Variants in ANKRD36C observed in about 807,000 individuals in gnomAD.
The protein encoded by ANKRD36C is ankyrin repeat domain 36C, also known as ankyrin repeat domain-containing protein 36C.
Under a neutral mutation model 276.4 loss-of-function variants are expected in ANKRD36C, and 61 were observed. That is an observed-to-expected ratio of 0.22 (90% CI 0.18 to 0.27). ANKRD36C has a LOEUF of 0.27. Among genes scored for constraint, ANKRD36C ranks in the 10% least tolerant of loss-of-function variants. The probability of loss-of-function intolerance (pLI) is 1.00; values close to 1 mark genes in which losing one functional copy is unlikely to be tolerated. For missense variants in ANKRD36C, 1,447 were observed against 2,032.3 expected, an observed-to-expected ratio of 0.71 and a Z score of 5.54; for synonymous variants, 483 against 680.1, an observed-to-expected ratio of 0.71 and a Z score of 4.51.
chr2:95,893,509 C>A, intron 44 of ANKRD36C, 24 bp downstream of exon 64: 2 of 1,538,238 alleles, frequency 1.3e-6, no homozygotes, highest in East Asian at 2.5e-5. Context: ...CTGAACATGA[C>A]ATTAAATCTG....
intron 44 of ANKRD36C, among the ~76,000 whole-genome samples, chr2:95,898,013 A>T (rs1420206457): frequency 4.7e-5 from 7 of 148,244 alleles, no homozygotes; most frequent in Admixed American, 4.7e-4. Flanking sequence ...CTGTTTGCTG[A>T]TACCTAGTAG....
At chr2:95,930,088 A>T (rs1426800595) in intron 24 of ANKRD36C, among the ~76,000 whole-genome samples, 1 of 151,654 alleles carries the variant, frequency 6.6e-6, no homozygotes, top group Non-Finnish European at 1.5e-5. Flanking sequence ...GATTCAAGTA[A>T]TGAATTCAAC....
intron 42 of ANKRD36C, among the ~76,000 whole-genome samples, chr2:95,911,113 G>A (rs1490951791): frequency 1.3e-5 from 2 of 151,590 alleles, no homozygotes; most frequent in African/African-American, 2.4e-5. Context: ...ATACCTGTTT[G>A]CTGATACCTA....
rs146747888 is a variant in ANKRD36C at position 95,918,542 on chromosome 2, C to T, written c.2246-500G>A. 9.3e-3 allele frequency among the ~76,000 whole-genome samples: 1,404 copies of T among 151,740 alleles called. 60 individuals carry two copies. Among genetic ancestry groups the T allele is most frequent in the Admixed American group, 0.06 (910 of 15,222 alleles). On this transcript the variant is annotated intron_variant, in intron 34 of 66. Transcript: ENST00000456556. Reference sequence around the variant, plus strand: ...TCAGTTGAACATACACTTCACATCCCTTCAGTGGAAGTGTCCTAAATTGAT... The same window carrying T: ...TCAGTTGAACATACACTTCACATCCTTTCAGTGGAAGTGTCCTAAATTGAT...
rs151249515 is a variant in ANKRD36C, at chr2:95,967,663, G to GTA, written c.800-5118_800-5117dup. On this transcript the variant is annotated intron_variant, in intron 6 of 66. Coordinates refer to ENST00000456556, the Ensembl canonical transcript of ANKRD36C. ...GCATATACTCGGTGTGTGTGTGTGT[G>GTA]TATATATATATATGTACAGTGGCTC... 5.4e-3 allele frequency among the ~76,000 whole-genome samples: 823 copies of GTA among 151,248 alleles called. 6 individuals carry two copies. Among genetic ancestry groups the GTA allele is most frequent in the African/African-American group, 0.018 (754 of 41,308 alleles).
At chr2:95,917,165 T>A (rs1289052012) in intron 36 of ANKRD36C, among the ~76,000 whole-genome samples, 1 of 151,580 alleles carries the variant, frequency 6.6e-6, no homozygotes, top group African/African-American at 2.4e-5. Flanking sequence ...AACATGTATC[T>A]CTGATGCCTA....
intron 20 of ANKRD36C, among the ~76,000 whole-genome samples, chr2:95,939,458 C>A (rs1162536041): frequency 2.0e-5 from 3 of 151,738 alleles, no homozygotes; most frequent in Non-Finnish European, 4.4e-5. Context: ...ATAATCCCAG[C>A]ACTTTGGGAG....
chr2:95,937,347 CA>C (rs1206724117), intron 22 of ANKRD36C, among the ~76,000 whole-genome samples: 1 of 152,304 alleles, frequency 6.6e-6, no homozygotes, highest in African/African-American at 2.4e-5. Flanking sequence ...TAAGTGACAA[CA>C]CTGCTTGCTG....
intron 6 of ANKRD36C, among the ~76,000 whole-genome samples, chr2:95,972,091 A>T (rs1678712028): frequency 6.6e-6 from 1 of 152,206 alleles, no homozygotes; most frequent in Admixed American, 6.5e-5. Flanking sequence ...AAAATAATTC[A>T]TATAACAGTC....
At chr2:95,914,137 C>T (rs1220545569) in exon 40 of ANKRD36C, 2 of 1,581,056 alleles carry the variant, frequency 1.3e-6, no homozygotes, top group Non-Finnish European at 1.7e-6. Context: ...ATCCTCTTTT[C>T]CTCTGGCTAT....
rs1208228949 is a variant in ANKRD36C at position 95,891,572 on chromosome 2, C to G, written c.2857+93G>C. 7.0e-6 allele frequency: 10 copies of G among 1,425,846 alleles called. No homozygotes were observed. The African/African-American group carries it at 1.4e-4, about 21-fold the overall frequency. The allele number at this position is 1,425,846 out of a possible 1,614,324, so 88.3% of individuals were successfully genotyped here. On this transcript the variant is annotated intron_variant, in intron 46 of 66. Coordinates refer to ENST00000456556, the Ensembl canonical transcript of ANKRD36C. ...CTCAGGACTGCTGTATCAGAATGTG[C>G]AGCTTCAACGAACCCCCCGCTGATT... is the stretch of plus-strand genomic sequence containing the variant.
chr2:95,926,147 G>A (rs1023620346), intron 28 of ANKRD36C, among the ~76,000 whole-genome samples: 25 of 151,570 alleles, frequency 1.6e-4, no homozygotes, highest in African/African-American at 5.6e-4. Flanking sequence ...GTGTAATAAT[G>A]TGCCTACATT....
At chr2:95,911,873 T>C (rs1038882757) in intron 42 of ANKRD36C, among the ~76,000 whole-genome samples, 2 of 151,320 alleles carry the variant, frequency 1.3e-5, no homozygotes, top group African/African-American at 4.8e-5. Context: ...TGAACAGCTT[T>C]CTGCCTGTTT....
intron 17 of ANKRD36C, among the ~76,000 whole-genome samples, chr2:95,946,975 T>TA (rs1678070155): frequency 1.3e-5 from 2 of 152,006 alleles, no homozygotes; most frequent in South Asian, 4.1e-4. Flanking sequence ...GGCACATGTA[T>TA]ACATATGTTA....
chr2:95,991,761 G>T, exon 1 of ANKRD36C: 1 of 1,569,018 alleles, frequency 6.4e-7, no homozygotes, highest in Non-Finnish European at 8.7e-7. Context: ...CGCCTTCGGG[G>T]ATCGCCGCCT....
chr2:95,987,285 A>G lies in ANKRD36C; in HGVS notation c.198-79T>C. ...TGTTATTTCTCTGTCTTCAAAACAAATATGTAATTTTCTTGTGAAGAAAGT... is the reference window on the plus strand; with the variant it reads ...TGTTATTTCTCTGTCTTCAAAACAAGTATGTAATTTTCTTGTGAAGAAAGT... On this transcript the variant is annotated intron_variant, in intron 1 of 66. Coordinates refer to ENST00000456556, the Ensembl canonical transcript of ANKRD36C. The G allele has an allele frequency of 3.4e-6, 5 of 1,479,494 alleles. No homozygotes were observed. The African/African-American group carries it at 7.1e-5, about 21-fold the overall frequency. 91.6% of individuals were successfully genotyped at this position (1,479,494 alleles called of 1,614,324 possible). A position where few individuals can be genotyped will look rare whatever the true frequency, so the allele number is the denominator to read the frequency against.
Position 95,891,585 on chromosome 2 carries a change from C to A in ANKRD36C, c.2857+80G>T, listed in dbSNP as rs1471562102. ...TATCAGAATGTGCAGCTTCAACGAA[C>A]CCCCCGCTGATTTATTCAGGGAAGA... On this transcript the variant is annotated intron_variant, in intron 46 of 66. Coordinates refer to ENST00000456556, the Ensembl canonical transcript of ANKRD36C. 8.2e-6 allele frequency: 12 copies of A among 1,466,952 alleles called. No homozygotes were observed. The East Asian group carries it at 2.2e-4, about 27-fold the overall frequency. The allele number at this position is 1,466,952 out of a possible 1,614,324, so 90.9% of individuals were successfully genotyped here.
chr2:95,914,452 A>G, intron 38 of ANKRD36C, 149 bp from the exon 41 acceptor site: 1 of 1,058,016 alleles, frequency 9.5e-7, no homozygotes, highest in Non-Finnish European at 1.4e-6. Flanking sequence ...GGACTAGAAC[A>G]TGATAGAAAT....
At chr2:95,988,260 T>C (rs1022818934) in intron 1 of ANKRD36C, among the ~76,000 whole-genome samples, 3 of 152,142 alleles carry the variant, frequency 2.0e-5, no homozygotes, top group African/African-American at 7.2e-5. Flanking sequence ...TATGGCTCAT[T>C]TTTTTCAATA....
Sources: gnomAD v4.1 joint callset for allele counts (sites outside exome capture counted in the v4.1 genomes callset) on GRCh38, gnomAD v4.1.1 for gene constraint, MANE v1.5 for transcripts, NCBI Gene and HGNC (gene_info 2026-07-23, HGNC 2026-07-21) for gene names.